ST3GAL4: variants seen among roughly 807,000 people sequenced by gnomAD.
The protein encoded by ST3GAL4 is CMP-N-acetylneuraminate-beta-galactosamide-alpha-2,3-sialyltransferase 4.
In ST3GAL4, 24 loss-of-function variants were observed where a neutral mutation model predicts 42.6. That is an observed-to-expected ratio of 0.56 (90% confidence interval 0.41 to 0.79). ST3GAL4 has a LOEUF of 0.79. Among genes scored for constraint, ST3GAL4 ranks in the 30% least tolerant of loss-of-function variants. ST3GAL4 has a pLI of 0.00. For missense variants in ST3GAL4, 311 were observed against 430.8 expected (o/e 0.72, Z 2.46); for synonymous variants, 135 against 163.2 (o/e 0.83, Z 1.32).
intron 1 of ST3GAL4, among the ~76,000 whole-genome samples, chr11:126,375,371 C>T (rs1431342091): frequency 6.6e-6 from 1 of 152,136 alleles, no homozygotes; most frequent in East Asian, 1.9e-4. Context: ...CTTGGATGTG[C>T]TTGAGACCCC....
At position 126,413,637 on chromosome 11, in the gene ST3GAL4, A is replaced by C; in HGVS notation, c.904A>C (p.Lys302Gln). ...TCACTACTATGAGCAGATCACGCTC[A>C]AGTCCATGGCGGTAAGTGCCTGGCT... ...TIHYYEQITLKSMAGSGHNVS... is the reference protein window; with the variant it reads ...TIHYYEQITLQSMAGSGHNVS... Residue 302 changes from lysine to glutamine, a missense_variant, in exon 10 of 11, where the codon AAG (lysine) becomes CAG (glutamine). Lys to Gln is a moderately conservative substitution (Grantham distance 53). Transcript: ENST00000444328. 1 of 1,614,222 alleles carries C rather than the reference A, an allele frequency of 6.2e-7. No homozygotes were observed. Among genetic ancestry groups the C allele is most frequent in the Non-Finnish European group, 8.5e-7 (1 of 1,180,024 alleles).
rs1168770261 is a variant in ST3GAL4, at chr11:126,366,675, A to G, written c.-61+10833A>G. Among the ~76,000 whole-genome samples the G allele has an allele frequency of 1.3e-5, 2 of 152,112 alleles. No homozygotes were observed. The highest frequency in any genetic ancestry group is 4.8e-5 in the African/African-American group (2 of 41,404). ...ATGAGACTTCAGGTGTGGACCCTCG[A>G]ACCCTCAGCTGCACAGGTCTGGAAA... On this transcript the variant is annotated intron_variant, in intron 1 of 10. Coordinates refer to ENST00000444328, the MANE Select transcript of ST3GAL4 (RefSeq NM_001254757.2). The surrounding 1 kb of genome is among the most constrained non-coding windows in gnomAD (Gnocchi z 4.2).
At chr11:126,371,080 AT>A (rs1169766367) in intron 1 of ST3GAL4, among the ~76,000 whole-genome samples, 1 of 148,010 alleles carries the variant, frequency 6.8e-6, no homozygotes, top group African/African-American at 2.5e-5. Flanking sequence ...CATATTAGAT[AT>A]TTTTTCCTTT....
rs114387425 is a variant in ST3GAL4, at chr11:126,390,684, C to G, written c.-60-15412C>G. On this transcript the variant is annotated intron_variant, in intron 1 of 10. Transcript: ENST00000444328. ...GTTGTTATGGTAAAATGCACAAGCA[C>G]GAGGTTGTATTTACCATCTTAACTC... 3.5e-4 allele frequency among the ~76,000 whole-genome samples: 52 copies of G among 147,194 alleles called. 1 individual carries two copies. The South Asian group carries it at 9.4e-3, about 27-fold the overall frequency.
At chr11:126,382,660 A>T (rs1467386993) in intron 1 of ST3GAL4, among the ~76,000 whole-genome samples, 1 of 152,134 alleles carries the variant, frequency 6.6e-6, no homozygotes, top group Non-Finnish European at 1.5e-5. Context: ...CATCGCCTTC[A>T]GTTGATTTAG....
Position 126,359,098 on chromosome 11 carries a change from A to G in ST3GAL4, c.-61+3256A>G, listed in dbSNP as rs920719092. On this transcript the variant is annotated intron_variant, in intron 1 of 10. Transcript: ENST00000444328. This position sits in a 1 kb window ranked among gnomAD's most constrained non-coding sequence, Gnocchi z 4.8. ...TTTCCTGTTTAGGGGAGGCAGCCCCAAAGAGTGCTGGGACCAGTTTGGAGA... is the reference window on the plus strand; with the variant it reads ...TTTCCTGTTTAGGGGAGGCAGCCCCGAAGAGTGCTGGGACCAGTTTGGAGA... Among the ~76,000 whole-genome samples, 2 of 152,272 alleles carry G rather than the reference A, an allele frequency of 1.3e-5. No individual in the cohort carries two copies. Among genetic ancestry groups the G allele is most frequent in the East Asian group, 3.9e-4 (2 of 5,184 alleles).
intron 1 of ST3GAL4, among the ~76,000 whole-genome samples, chr11:126,371,302 T>C (rs1316874823): frequency 2.0e-5 from 3 of 151,642 alleles, no homozygotes; most frequent in Admixed American, 6.6e-5. Context: ...ATAGCTGGGA[T>C]TACAGACGCA....
chr11:126,377,771 G>C (rs547946420), intron 1 of ST3GAL4, among the ~76,000 whole-genome samples: 1 of 152,144 alleles, frequency 6.6e-6, no homozygotes, highest in South Asian at 2.1e-4. Flanking sequence ...CCATGCGCTC[G>C]GCCAGCAACA....
chr11:126,381,745 G>GAGGTC (rs1953013128), intron 1 of ST3GAL4, among the ~76,000 whole-genome samples: 1 of 151,836 alleles, frequency 6.6e-6, no homozygotes, highest in Non-Finnish European at 1.5e-5. Context: ...GGGGTGAGGT[G>GAGGTC]AGGTCAGGTA....
intron 1 of ST3GAL4, among the ~76,000 whole-genome samples, chr11:126,395,748 T>C (rs1309131798): frequency 1.3e-5 from 2 of 152,210 alleles, no homozygotes; most frequent in Admixed American, 1.3e-4. Flanking sequence ...ATACTTTTTT[T>C]CTTCTGCCAT....
Position 126,391,260 on chromosome 11 carries a change from GT to G in ST3GAL4, c.-60-14824del, listed in dbSNP as rs60503203. ...CCCTTGCTTTTCCCTTTGCTTCCTT[GT>G]TTTTTTTTTTTCTTTTTGTTTTATG... On this transcript the variant is annotated intron_variant, in intron 1 of 10. Coordinates refer to ENST00000444328, the MANE Select transcript of ST3GAL4 (RefSeq NM_001254757.2). The surrounding 1 kb of genome is among the most constrained non-coding windows in gnomAD (Gnocchi z 5.5). Among the ~76,000 whole-genome samples, 383 of 143,322 alleles carry G rather than the reference GT, an allele frequency of 2.7e-3. 1 individual carries two copies. Among genetic ancestry groups the G allele is most frequent in the East Asian group, 5.9e-3 (29 of 4,892 alleles). The allele number at this position is 143,322 out of a possible 152,430, so 94.0% of individuals were successfully genotyped here.
Position 126,383,489 on chromosome 11 carries a change from G to T in ST3GAL4, c.-60-22607G>T, listed in dbSNP as rs981155799. ...GCCCTGAGGAATGGGGGAAAAGAGT[G>T]CCCTGGCTTGGGGGGGCCCTCAAGC... On this transcript the variant is annotated intron_variant, in intron 1 of 10. Coordinates refer to ENST00000444328, the MANE Select transcript of ST3GAL4 (RefSeq NM_001254757.2). This position sits in a 1 kb window ranked among gnomAD's most constrained non-coding sequence, Gnocchi z 4.5. 6.6e-6 allele frequency among the ~76,000 whole-genome samples: 1 copy of T among 152,168 alleles called. No individual in the cohort carries two copies. The highest frequency in any genetic ancestry group is 1.5e-5 in the Non-Finnish European group (1 of 68,012).
At chr11:126,387,186 A>G (rs1953258158) in intron 1 of ST3GAL4, among the ~76,000 whole-genome samples, 1 of 152,022 alleles carries the variant, frequency 6.6e-6, no homozygotes, top group South Asian at 2.1e-4. Flanking sequence ...TGCTCATACA[A>G]CTTCCCTTCC....
At chr11:126,360,725 C>T (rs965646603) in intron 1 of ST3GAL4, among the ~76,000 whole-genome samples, 7 of 152,146 alleles carry the variant, frequency 4.6e-5, no homozygotes, top group Admixed American at 3.3e-4. Flanking sequence ...CCCAGCCGAG[C>T]GTGTCTGTCT....
At chr11:126,372,321 C>T (rs1488506005) in intron 1 of ST3GAL4, among the ~76,000 whole-genome samples, 1 of 152,022 alleles carries the variant, frequency 6.6e-6, no homozygotes, top group East Asian at 1.9e-4. Context: ...AGTATTTGTC[C>T]TTTTGTAACT....
chr11:126,407,868 C>T (rs1456875979), intron 6 of ST3GAL4, among the ~76,000 whole-genome samples: 4 of 152,128 alleles, frequency 2.6e-5, no homozygotes, highest in Non-Finnish European at 5.9e-5. Flanking sequence ...CCATGCCTTC[C>T]CTCCACTCCT....
chr11:126,361,365 ATTT>A (rs10627600), intron 1 of ST3GAL4, among the ~76,000 whole-genome samples: 1 of 137,278 alleles, frequency 7.3e-6, no homozygotes, highest in Non-Finnish European at 1.6e-5. Context: ...CTTGGCTTTA[ATTT>A]TTTTTTTTTT....
At chr11:126,395,786 A>G (rs1211745983) in intron 1 of ST3GAL4, among the ~76,000 whole-genome samples, 2 of 152,108 alleles carry the variant, frequency 1.3e-5, no homozygotes, top group African/African-American at 2.4e-5. Context: ...AGCCACGTGG[A>G]ACTGTGAGTC....
rs1480161206 is a variant in ST3GAL4 at position 126,383,755 on chromosome 11, C to T, written c.-60-22341C>T. Among the ~76,000 whole-genome samples, 3 of 152,252 alleles carry T rather than the reference C, an allele frequency of 2.0e-5. No individual in the cohort carries two copies. The highest frequency in any genetic ancestry group is 2.1e-4 in the South Asian group (1 of 4,826). On this transcript the variant is annotated intron_variant, in intron 1 of 10. Transcript: ENST00000444328. The surrounding 1 kb of genome is among the most constrained non-coding windows in gnomAD (Gnocchi z 4.5). ...CTTCAGGCTCTGAGTGTGGATGCAG[C>T]TGGGCCTGTTCAGGCAGATTCACCA...
Sources: gnomAD v4.1 joint callset for allele counts (sites outside exome capture counted in the v4.1 genomes callset) on GRCh38, gnomAD v4.1.1 for gene constraint, Gnocchi (gnomAD v3.1) non-coding constraint, MANE v1.5 for transcripts, NCBI Gene and HGNC (gene_info 2026-07-23, HGNC 2026-07-21) for gene names.